DESI2: variants seen among roughly 807,000 people sequenced by gnomAD.
DESI2 encodes the protein deubiquitinase DESI2.
DESI2 carries 10 observed loss-of-function variants against 24.1 expected under a neutral mutation model. The ratio of observed to expected loss-of-function variants is 0.41; its 90% CI spans 0.26 to 0.70. The LOEUF (loss-of-function observed/expected upper bound fraction) is 0.70. Among genes scored for constraint, DESI2 ranks in the 30% least tolerant of loss-of-function variants. The pLI, the probability that DESI2 is intolerant of heterozygous loss-of-function variation, is 0.29. For synonymous variants in DESI2, 71 were observed against 87.7 expected (o/e 0.81, Z 1.06); for missense variants, 122 against 234.9 (o/e 0.52, Z 3.14).
intron 1 of DESI2, among the ~76,000 whole-genome samples, chr1:244,668,356 CA>C (rs1209346499): frequency 6.6e-6 from 1 of 152,176 alleles, no homozygotes; most frequent in Non-Finnish European, 1.5e-5. Context: ...GGTAGTTTAA[CA>C]GTGTAAACTT....
intron 1 of DESI2, among the ~76,000 whole-genome samples, chr1:244,684,591 C>CT (rs1410965905): frequency 6.6e-6 from 1 of 151,334 alleles, no homozygotes; most frequent in South Asian, 2.1e-4. Context: ...ATTCTTTTTT[C>CT]TTTTTTAAAA....
intron 4 of DESI2, among the ~76,000 whole-genome samples, chr1:244,697,742 CA>C (rs1270679788): frequency 6.6e-6 from 1 of 152,166 alleles, no homozygotes; most frequent in Non-Finnish European, 1.5e-5. Flanking sequence ...GTAATACCTT[CA>C]GTTTTTGTTC....
chr1:244,694,387 T>G lies in DESI2; in HGVS notation c.351+2367T>G, dbSNP rs1212561051. 1.1e-5 allele frequency: 7 copies of G among 646,080 alleles called. No individual in the cohort carries two copies. The East Asian group carries it at 1.7e-4, about 16-fold the overall frequency. 40.0% of individuals were successfully genotyped at this position (646,080 alleles called of 1,614,324 possible). ...ACTTTAGTATTCATAAAATTTTTTTTTTTAAACCGGAACATCTATTGCATT... is the reference window on the plus strand; with the variant it reads ...ACTTTAGTATTCATAAAATTTTTTTGTTTAAACCGGAACATCTATTGCATT... On this transcript the variant is annotated intron_variant, in intron 4 of 4. Coordinates refer to ENST00000302550, the MANE Select transcript of DESI2 (RefSeq NM_016076.5).
chr1:244,685,566 G>C (rs986268384), intron 1 of DESI2, among the ~76,000 whole-genome samples: 1 of 151,592 alleles, frequency 6.6e-6, no homozygotes, highest in Non-Finnish European at 1.5e-5. Flanking sequence ...TTTTATCCAC[G>C]CTCGGCCCCA....
At chr1:244,680,269 G>A (rs1558658589) in intron 1 of DESI2, among the ~76,000 whole-genome samples, 1 of 152,124 alleles carries the variant, frequency 6.6e-6, no homozygotes. Context: ...ACAACATGAT[G>A]AAACCCTGTC....
chr1:244,684,171 A>G (rs1395777491), intron 1 of DESI2, among the ~76,000 whole-genome samples: 3 of 152,170 alleles, frequency 2.0e-5, no homozygotes, highest in Non-Finnish European at 4.4e-5. Flanking sequence ...TGTGCAACCT[A>G]TTCTTTTACT....
rs1032470723 is a variant in DESI2 at position 244,653,146 on chromosome 1, C to T, written c.-168C>T. ...CGCACAGACGCTCCTGTCGGCGGCG[C>T]CCGGGAGCGGCTCGGCTGCCCGATG... On this transcript the variant is annotated 5_prime_UTR_variant, in exon 1 of 5. Coordinates refer to ENST00000302550, the MANE Select transcript of DESI2 (RefSeq NM_016076.5). 5.1e-6 allele frequency: 3 copies of T among 589,976 alleles called. No homozygotes were observed. The highest frequency in any genetic ancestry group is 3.9e-5 in the African/African-American group (2 of 51,470). The allele number at this position is 589,976 out of a possible 1,614,324, so 36.5% of individuals were successfully genotyped here.
rs963869437 is a variant in DESI2 at position 244,653,906 on chromosome 1, G to A, written c.42+551G>A. On this transcript the variant is annotated intron_variant, in intron 1 of 4. Coordinates refer to ENST00000302550, the MANE Select transcript of DESI2 (RefSeq NM_016076.5). The stretch of plus-strand genomic sequence containing the variant: ...GAGCCAACACACCCTTTCCTTGTGT[G>A]TTAAAGGCAACCTCGTTAAAATATG... 1.3e-5 allele frequency: 6 copies of A among 471,102 alleles called. 1 individual carries two copies. The highest frequency in any genetic ancestry group is 3.2e-4 in the Middle Eastern group (1 of 3,104). The allele number at this position is 471,102 out of a possible 1,614,324, so 29.2% of individuals were successfully genotyped here. A position where few individuals can be genotyped will look rare whatever the true frequency, so the allele number is the denominator to read the frequency against.
chr1:244,703,949 G>A (rs966882645), intron 4 of DESI2, among the ~76,000 whole-genome samples: 17 of 152,126 alleles, frequency 1.1e-4, no homozygotes, highest in African/African-American at 2.9e-4. Context: ...GTGAGCCACC[G>A]CGCTGGGCCG....
Position 244,653,192 on chromosome 1 carries a change from G to A in DESI2, c.-122G>A. The A allele has an allele frequency of 9.8e-7, 1 of 1,024,122 alleles. No individual in the cohort carries two copies. Among genetic ancestry groups the A allele is most frequent in the Non-Finnish European group, 1.3e-6 (1 of 765,572 alleles). 63.4% of individuals were successfully genotyped at this position (1,024,122 alleles called of 1,614,324 possible). A position where few individuals can be genotyped will look rare whatever the true frequency, so the allele number is the denominator to read the frequency against. ...CGATGCTTCCGCCCCGGCTGCCGCG[G>A]GCCGGGCTGTACGCTTAGTGCCCGG... On this transcript the variant is annotated 5_prime_UTR_variant, in exon 1 of 5. Transcript: ENST00000302550.
At chr1:244,694,381 T>TC in intron 4 of DESI2, 1 of 633,008 alleles carries the variant, frequency 1.6e-6, no homozygotes. Flanking sequence ...TTCATAAAAT[T>TC]TTTTTTTTTA....
At chr1:244,682,275 G>GT (rs752280291) in intron 1 of DESI2, among the ~76,000 whole-genome samples, 1 of 152,106 alleles carries the variant, frequency 6.6e-6, no homozygotes, top group Non-Finnish European at 1.5e-5. Context: ...TGATTGGTCT[G>GT]TTTTTTACAG....
chr1:244,679,693 A>T (rs941908248), intron 1 of DESI2, among the ~76,000 whole-genome samples: 1 of 152,092 alleles, frequency 6.6e-6, no homozygotes, highest in Non-Finnish European at 1.5e-5. Flanking sequence ...CAACATGCCA[A>T]AACCCCATCT....
At chr1:244,674,448 A>G (rs1676348947) in intron 1 of DESI2, among the ~76,000 whole-genome samples, 1 of 151,966 alleles carries the variant, frequency 6.6e-6, no homozygotes, top group Admixed American at 6.6e-5. Context: ...AGCCATCATT[A>G]CCACAGTCAA....
chr1:244,683,949 C>T (rs1367920340), intron 1 of DESI2, among the ~76,000 whole-genome samples: 1 of 151,734 alleles, frequency 6.6e-6, no homozygotes, highest in Non-Finnish European at 1.5e-5. Context: ...AAGCTGTCCT[C>T]CCGCCTCAAC....
In DESI2 at chr1:244,705,469, C is replaced by G. The variant is rs953653365; in HGVS notation, c.352-87C>G. The G allele has an allele frequency of 6.1e-6, 7 of 1,140,280 alleles. No individual in the cohort carries two copies. The East Asian group carries it at 1.7e-4, about 27-fold the overall frequency. The allele number at this position is 1,140,280 out of a possible 1,614,324, so 70.6% of individuals were successfully genotyped here. On this transcript the variant is annotated intron_variant, in intron 4 of 4. Coordinates refer to ENST00000302550, the MANE Select transcript of DESI2 (RefSeq NM_016076.5). ...CTGCCGTGGCTTCTCTGTACGCCGC[C>G]CCCCTCCTCCCACCCTCCACTCCCT... is the stretch of plus-strand genomic sequence containing the variant.
intron 3 of DESI2, 27 bp from the exon 4 acceptor site, chr1:244,691,846 TTCTTTC>T (rs1382113490): frequency 4.0e-6 from 6 of 1,517,338 alleles, no homozygotes; most frequent in Middle Eastern, 2.0e-4. Context: ...GTCCTTATTT[TTCTTTC>T]TCTTTTTTTT....
At chr1:244,669,116 G>A (rs549697829) in intron 1 of DESI2, among the ~76,000 whole-genome samples, 2 of 151,968 alleles carry the variant, frequency 1.3e-5, no homozygotes, top group African/African-American at 2.4e-5. Flanking sequence ...AACCTCCCAC[G>A]TCAGCCCCCT....
intron 1 of DESI2, among the ~76,000 whole-genome samples, chr1:244,661,156 C>T (rs1041300976): frequency 6.6e-6 from 1 of 152,342 alleles, no homozygotes; most frequent in South Asian, 2.1e-4. Flanking sequence ...TCTATACCCA[C>T]TAAACAACAA....
Sources: gnomAD v4.1 joint callset for allele counts (sites outside exome capture counted in the v4.1 genomes callset) on GRCh38, gnomAD v4.1.1 for gene constraint, MANE v1.5 for transcripts, NCBI Gene and HGNC (gene_info 2026-07-23, HGNC 2026-07-21) for gene names.